Variants in RBMS3 observed in about 807,000 individuals in gnomAD.
RBMS3 encodes the protein RNA binding motif single stranded interacting protein 3.
Under a neutral mutation model 66.8 loss-of-function variants are expected in RBMS3, and 27 were observed. That is an observed-to-expected ratio of 0.40 (90% CI 0.30 to 0.56). RBMS3 has a LOEUF of 0.56. Among genes scored for constraint, RBMS3 ranks in the 20% least tolerant of loss-of-function variants. The probability of loss-of-function intolerance (pLI) is 0.40; values close to 1 mark genes in which losing one functional copy is unlikely to be tolerated. For synonymous variants in RBMS3, 188 were observed against 183.0 expected (o/e 1.03, Z -0.22); for missense variants, 513 against 549.5 (o/e 0.93, Z 0.66).
intron 6 of RBMS3, chr3:29,766,627 A>G (rs2055940486): frequency 6.6e-6 from 1 of 151,910 alleles, no homozygotes; most frequent in Non-Finnish European, 1.5e-5. Context: ...CTTTTTTTAA[A>G]TGAATACATC....
intron 1 of RBMS3, among the ~76,000 whole-genome samples, chr3:29,326,375 T>A (rs894141548): frequency 3.3e-5 from 5 of 152,288 alleles, no homozygotes; most frequent in Admixed American, 3.3e-4. Flanking sequence ...TTTATTAAAA[T>A]GAGCTTCTCC....
At chr3:29,593,596 C>CT (rs1438537201) in intron 4 of RBMS3, among the ~76,000 whole-genome samples, 1 of 152,156 alleles carries the variant, frequency 6.6e-6, no homozygotes, top group Admixed American at 6.6e-5. Flanking sequence ...ATGTCCATGT[C>CT]TTTTTGTTTG....
chr3:29,511,011 A>T (rs1426160349), intron 3 of RBMS3, among the ~76,000 whole-genome samples: 2 of 152,204 alleles, frequency 1.3e-5, no homozygotes, highest in Non-Finnish European at 2.9e-5. Flanking sequence ...ATAAAAAGTT[A>T]ATTTTGGCCG....
chr3:29,725,928 C>T (rs2053849034), intron 4 of RBMS3, among the ~76,000 whole-genome samples: 1 of 152,034 alleles, frequency 6.6e-6, no homozygotes, highest in African/African-American at 2.4e-5. Context: ...CAGGCCAATA[C>T]TCCTGATGAA....
At chr3:29,362,897 A>G (rs1348013231) in intron 1 of RBMS3, among the ~76,000 whole-genome samples, 1 of 152,166 alleles carries the variant, frequency 6.6e-6, no homozygotes, top group Non-Finnish European at 1.5e-5. Flanking sequence ...CCCATTTGGG[A>G]TATTATTCCA....
intron 5 of RBMS3, among the ~76,000 whole-genome samples, chr3:29,753,962 C>CTTTTT (rs1162238613): frequency 6.9e-6 from 1 of 145,564 alleles, no homozygotes; most frequent in Non-Finnish European, 1.5e-5. Flanking sequence ...TTGAAAAACT[C>CTTTTT]TTTTTTTTTT....
At chr3:29,443,693 G>A (rs1263929280) in intron 2 of RBMS3, among the ~76,000 whole-genome samples, 2 of 152,230 alleles carry the variant, frequency 1.3e-5, no homozygotes, top group Admixed American at 1.3e-4. Flanking sequence ...AAGAGAAGAA[G>A]CAAGAAGACG....
At chr3:29,848,175 T>A (rs1406639862) in intron 6 of RBMS3, among the ~76,000 whole-genome samples, 1 of 152,170 alleles carries the variant, frequency 6.6e-6, no homozygotes, top group African/African-American at 2.4e-5. Context: ...CAGAAGTTCT[T>A]CCCTTCAAAG....
intron 1 of RBMS3, among the ~76,000 whole-genome samples, chr3:29,359,523 G>A (rs138723378): frequency 3.3e-5 from 5 of 151,780 alleles, no homozygotes; most frequent in Non-Finnish European, 7.4e-5. Flanking sequence ...TTGTTGTGTC[G>A]CTGCCAGGCT....
intron 4 of RBMS3, among the ~76,000 whole-genome samples, chr3:29,694,246 G>GTCA (rs1204710748): frequency 6.6e-6 from 1 of 152,060 alleles, no homozygotes; most frequent in Non-Finnish European, 1.5e-5. Flanking sequence ...GATAGATTAT[G>GTCA]TCATCTTTTT....
At chr3:29,677,701 T>C (rs1559560529) in intron 4 of RBMS3, among the ~76,000 whole-genome samples, 1 of 152,170 alleles carries the variant, frequency 6.6e-6, no homozygotes, top group Admixed American at 6.5e-5. Context: ...TTTTGTCCTT[T>C]TCTTCTTTTT....
intron 1 of RBMS3, among the ~76,000 whole-genome samples, chr3:29,331,108 G>T (rs2035626462): frequency 6.6e-6 from 1 of 152,150 alleles, no homozygotes; most frequent in South Asian, 2.1e-4. Context: ...AATTGATTAT[G>T]CTGATGGGAT....
At chr3:29,882,324 A>G (rs1248889280) in intron 7 of RBMS3, among the ~76,000 whole-genome samples, 1 of 152,158 alleles carries the variant, frequency 6.6e-6, no homozygotes, top group South Asian at 2.1e-4. Flanking sequence ...TGGCAAAAAA[A>G]CAAAAACCTT....
intron 4 of RBMS3, among the ~76,000 whole-genome samples, chr3:29,712,443 G>T (rs541134305): frequency 4.3e-4 from 66 of 152,126 alleles, no homozygotes; most frequent in African/African-American, 1.6e-3. Flanking sequence ...CTCCCAAGTA[G>T]CTCGGGCTAC....
intron 1 of RBMS3, among the ~76,000 whole-genome samples, chr3:29,366,273 TG>T (rs1439171804): frequency 6.6e-6 from 1 of 152,222 alleles, no homozygotes; most frequent in Non-Finnish European, 1.5e-5. Flanking sequence ...GTATTATCAG[TG>T]CCATGCAGAC....
chr3:29,903,793 G>A (rs2060310742), intron 10 of RBMS3, among the ~76,000 whole-genome samples: 1 of 151,854 alleles, frequency 6.6e-6, no homozygotes, highest in Admixed American at 6.6e-5. Context: ...AGTATTCTAA[G>A]AAATGCAAGA....
chr3:29,783,701 C>T (rs749490862), intron 6 of RBMS3, among the ~76,000 whole-genome samples: 1 of 152,052 alleles, frequency 6.6e-6, no homozygotes, highest in Admixed American at 6.6e-5. Context: ...CATCCCAATA[C>T]TAACATTGAA....
chr3:29,706,497 G>A (rs963497782), intron 4 of RBMS3, among the ~76,000 whole-genome samples: 2 of 152,142 alleles, frequency 1.3e-5, no homozygotes, highest in Non-Finnish European at 2.9e-5. Flanking sequence ...AGGTGAAGAG[G>A]GGAGAGCTGT....
intron 3 of RBMS3, among the ~76,000 whole-genome samples, chr3:29,497,347 A>G (rs746423890): frequency 6.6e-6 from 1 of 152,154 alleles, no homozygotes; most frequent in Non-Finnish European, 1.5e-5. Context: ...AGGAATATAA[A>G]ACAGCTTAAA....
Sources: gnomAD v4.1 joint callset for allele counts (sites outside exome capture counted in the v4.1 genomes callset) on GRCh38, gnomAD v4.1.1 for gene constraint, MANE v1.5 for transcripts, NCBI Gene and HGNC (gene_info 2026-07-23, HGNC 2026-07-21) for gene names.